The following YAF2 variants were observed in gnomAD, a reference collection of about 807,000 sequenced individuals.
YAF2 encodes the protein YY1 associated factor 2.
YAF2 carries 7 observed loss-of-function variants against 20.1 expected under a neutral mutation model. The observed-to-expected ratio is 0.35, with a 90% CI of 0.20 to 0.65. YAF2 has a LOEUF of 0.65. Ranked by LOEUF, YAF2 falls within the 30% of genes least tolerant of loss-of-function variation. YAF2 has a pLI of 0.69. For synonymous variants in YAF2, 74 were observed against 76.0 expected, an observed-to-expected ratio of 0.97 and a Z score of 0.14; for missense variants, 151 against 219.2, an observed-to-expected ratio of 0.69 and a Z score of 1.96.
intron 2 of YAF2, among the ~76,000 whole-genome samples, chr12:42,167,877 C>A (rs560343462): frequency 5.3e-4 from 80 of 152,090 alleles, no homozygotes; most frequent in Non-Finnish European, 1.0e-3. Context: ...AGGCACATGC[C>A]TATAGTCCCA....
intron 1 of YAF2, chr12:42,237,936 G>T: frequency 2.3e-6 from 1 of 431,818 alleles, no homozygotes; most frequent in Non-Finnish European, 3.2e-6. Context: ...CGCCACAGCC[G>T]CTCTGACACC....
intron 2 of YAF2, among the ~76,000 whole-genome samples, chr12:42,197,072 A>G (rs2066772241): frequency 2.0e-5 from 3 of 152,236 alleles, no homozygotes; most frequent in Admixed American, 1.3e-4. Context: ...ATGAGCTTAA[A>G]AGGGGAATTT....
In YAF2 at chr12:42,173,817, T is replaced by A. The variant is rs1483920483; in HGVS notation, c.153-12052A>T. Among the ~76,000 whole-genome samples, 6 of 152,354 alleles carry A rather than the reference T, an allele frequency of 3.9e-5. No homozygotes were observed. The East Asian group carries it at 1.2e-3, about 29-fold the overall frequency. The stretch of plus-strand genomic sequence containing the variant: ...GAGCACTGAACAAAACTTGCTTTTA[T>A]CATGTGCTATTTTATCAAGGGGGTG... On this transcript the variant is annotated intron_variant, in intron 2 of 3. Transcript: ENST00000534854.
At chr12:42,197,616 G>C (rs1036118866) in intron 2 of YAF2, among the ~76,000 whole-genome samples, 1 of 152,188 alleles carries the variant, frequency 6.6e-6, no homozygotes, top group African/African-American at 2.4e-5. Context: ...AATAGAGGTG[G>C]TGTAACAAAG....
At chr12:42,228,819 C>T (rs1453501576) in intron 2 of YAF2, among the ~76,000 whole-genome samples, 4 of 58,968 alleles carry the variant, frequency 6.8e-5, no homozygotes, top group African/African-American at 3.3e-4. Context: ...GGCCAGCCGC[C>T]CCGTCCGGGA....
rs1476663465 is a variant in YAF2 at position 42,159,329 on chromosome 12, G to C, written c.*1260C>G. 1 of 152,086 alleles carries C rather than the reference G, an allele frequency of 6.6e-6. No individual in the cohort carries two copies. The highest frequency in any genetic ancestry group is 2.4e-5 in the African/African-American group (1 of 41,438). The allele number at this position is 152,086 out of a possible 1,614,324, so 9.4% of individuals were successfully genotyped here. A position where few individuals can be genotyped will look rare whatever the true frequency, so the allele number is the denominator to read the frequency against. On this transcript the variant is annotated 3_prime_UTR_variant, in exon 4 of 4. Transcript: ENST00000534854. ...TAGGTAGATATATATTAAGCAAATG[G>C]TTAAGAGAAAGCAGGAGACCCCAGG...
rs2065768336 is a variant in YAF2 at position 42,160,047 on chromosome 12, T to G, written c.*542A>C. 6.6e-6 allele frequency: 1 copy of G among 152,536 alleles called. No individual in the cohort carries two copies. The allele number at this position is 152,536 out of a possible 1,614,324, so 9.4% of individuals were successfully genotyped here. On this transcript the variant is annotated 3_prime_UTR_variant, in exon 4 of 4. Coordinates refer to ENST00000534854, the MANE Select transcript of YAF2 (RefSeq NM_005748.6). Reference sequence around the variant, plus strand: ...AACGTGTCAAAAACATTGGCAAAGGTTCATACAAATTCTTTATTTAATAAC... The same window carrying G: ...AACGTGTCAAAAACATTGGCAAAGGGTCATACAAATTCTTTATTTAATAAC...
chr12:42,237,393 AACGTT>A, intron 2 of YAF2: 1 of 1,269,704 alleles, frequency 7.9e-7, no homozygotes, highest in South Asian at 2.0e-5. Context: ...GGCAGCAAAA[AACGTT>A]ACAGCCTCTT....
chr12:42,179,152 T>C (rs761145080), intron 2 of YAF2, among the ~76,000 whole-genome samples: 1 of 152,312 alleles, frequency 6.6e-6, no homozygotes, highest in Non-Finnish European at 1.5e-5. Context: ...ATTTGTTTAG[T>C]TGTGAAGTTT....
In YAF2 at chr12:42,233,613, G is replaced by C. The variant is rs150705397; in HGVS notation, c.152+3986C>G. 1.2e-3 allele frequency: 764 copies of C among 634,888 alleles called. 9 individuals carry two copies. The African/African-American group carries it at 0.014, about 12-fold the overall frequency. 39.3% of individuals were successfully genotyped at this position (634,888 alleles called of 1,614,324 possible). A position where few individuals can be genotyped will look rare whatever the true frequency, so the allele number is the denominator to read the frequency against. ...TGCAACCTCGAACTCTGGGGCTCAA[G>C]GGATCCTCCCACTTCAGCCTCCTGA... On this transcript the variant is annotated intron_variant, in intron 2 of 3. Transcript: ENST00000534854.
At chr12:42,164,921 A>G (rs11831168) in intron 2 of YAF2, among the ~76,000 whole-genome samples, 31,549 of 151,820 alleles carry the variant, frequency 0.21, 3,402 homozygotes, top group Admixed American at 0.25. Context: ...AAAATACAGA[A>G]ATTGGCCAGT....
Position 42,197,216 on chromosome 12 carries a change from A to G in YAF2, c.153-35451T>C, listed in dbSNP as rs1388795. On this transcript the variant is annotated intron_variant, in intron 2 of 3. Transcript: ENST00000534854. ...GCAAGTTGTTAGCTTGTTAGCAGTC[A>G]CTGCTGCCACGTGCTGCCCAGTGTT... 1.2e-3 allele frequency among the ~76,000 whole-genome samples: 185 copies of G among 152,338 alleles called. 1 individual carries two copies. The South Asian group carries it at 0.03, about 25-fold the overall frequency.
Position 42,185,722 on chromosome 12 carries a change from C to T in YAF2, c.153-23957G>A, listed in dbSNP as rs73281851. ...GCTATATTTTAAATTAAGGTATATA[C>T]ATTGTTGTTTTTGGATATAATGCTA... On this transcript the variant is annotated intron_variant, in intron 2 of 3. Transcript: ENST00000534854. 8.7e-3 allele frequency among the ~76,000 whole-genome samples: 1,324 copies of T among 152,260 alleles called. 19 individuals carry two copies. The highest frequency in any genetic ancestry group is 0.031 in the African/African-American group (1,285 of 41,556).
At position 42,227,304 on chromosome 12, in the gene YAF2, T is replaced by C. The variant is rs1284243702; in HGVS notation, c.152+10295A>G. On this transcript the variant is annotated intron_variant, in intron 2 of 3. Transcript: ENST00000534854. ...AGTGTCTCTGCCTGGCCGCCCATCG[T>C]CTGCGACGTGAGGAGCCCCTCTGCC... is the stretch of plus-strand genomic sequence containing the variant. Among the ~76,000 whole-genome samples, 13 of 67,978 alleles carry C rather than the reference T, an allele frequency of 1.9e-4. 2 individuals carry two copies. The East Asian group carries it at 8.0e-3, about 42-fold the overall frequency. The allele number at this position is 67,978 out of a possible 152,430, so 44.6% of individuals were successfully genotyped here. A position where few individuals can be genotyped will look rare whatever the true frequency, so the allele number is the denominator to read the frequency against.
At chr12:42,214,864 C>T (rs954240436) in intron 2 of YAF2, among the ~76,000 whole-genome samples, 1 of 151,836 alleles carries the variant, frequency 6.6e-6, no homozygotes, top group Non-Finnish European at 1.5e-5. Context: ...ATTAACCAGG[C>T]GTGGTGGCAG....
At chr12:42,199,955 A>G (rs1052611341) in intron 2 of YAF2, among the ~76,000 whole-genome samples, 2 of 152,164 alleles carry the variant, frequency 1.3e-5, no homozygotes, top group African/African-American at 4.8e-5. Flanking sequence ...CTGACAACCA[A>G]TGGAATCAAT....
At chr12:42,237,777 C>G in intron 1 of YAF2, 53 bp from the exon 2 acceptor site, 1 of 1,290,676 alleles carries the variant, frequency 7.7e-7, no homozygotes, top group Non-Finnish European at 9.9e-7. Context: ...GCAGGCCGCG[C>G]CCGGTGCCCG....
intron 1 of YAF2, 107 bp downstream of exon 1, chr12:42,238,048 C>T (rs2068239668): frequency 1.0e-6 from 1 of 992,380 alleles, no homozygotes; most frequent in South Asian, 3.6e-5. Context: ...GGCGCTGCCC[C>T]CGTGCTCGCC....
At chr12:42,215,763 A>C (rs1438272444) in intron 2 of YAF2, among the ~76,000 whole-genome samples, 2 of 151,852 alleles carry the variant, frequency 1.3e-5, no homozygotes, top group Admixed American at 6.6e-5. Flanking sequence ...CTCTACTAAA[A>C]ACACCAAAAA....
Sources: gnomAD v4.1 joint callset for allele counts (sites outside exome capture counted in the v4.1 genomes callset) on GRCh38, gnomAD v4.1.1 for gene constraint, MANE v1.5 for transcripts, NCBI Gene and HGNC (gene_info 2026-07-23, HGNC 2026-07-21) for gene names.